The following C12orf54 variants were observed in gnomAD, a reference collection of about 807,000 sequenced individuals.
C12orf54 encodes chromosome 12 open reading frame 54, also known as uncharacterized protein C12orf54.
In C12orf54, 24 loss-of-function variants were observed where a neutral mutation model predicts 26.4. That is an observed-to-expected ratio of 0.91 (90% CI 0.66 to 1.28). C12orf54 has a LOEUF of 1.28. Among genes scored for constraint, C12orf54 ranks in the 50% most tolerant of loss-of-function variants. The probability of loss-of-function intolerance (pLI) is 0.00; values close to 1 mark genes in which losing one functional copy is unlikely to be tolerated. For missense variants in C12orf54, 154 were observed against 150.9 expected (o/e 1.02, Z -0.11); for synonymous variants, 54 against 47.0 (o/e 1.15, Z -0.61).
intron 8 of C12orf54, chr12:48,495,581 A>C (rs1252049188): frequency 6.6e-6 from 1 of 152,618 alleles, no homozygotes; most frequent in Non-Finnish European, 1.5e-5. Context: ...CACCTGGAGA[A>C]GAAGACTGTC....
the C12orf54 span, among the ~76,000 whole-genome samples, chr12:48,437,375 G>T: frequency 6.6e-6 from 1 of 152,184 alleles, no homozygotes; most frequent in African/African-American, 2.4e-5. Context: ...AGTAGAAAAA[G>T]AGGGAATCCT....
At chr12:48,444,763 T>C in the C12orf54 span, among the ~76,000 whole-genome samples, 1 of 152,192 alleles carries the variant, frequency 6.6e-6, no homozygotes, top group Non-Finnish European at 1.5e-5. Flanking sequence ...TGGAGTCAGC[T>C]GACTAGATCT....
chr12:48,481,421 GGA>G (rs1954197526), upstream of C12orf54, among the ~76,000 whole-genome samples: 1 of 152,058 alleles, frequency 6.6e-6, no homozygotes, highest in African/African-American at 2.4e-5. Flanking sequence ...TTAGAGGGTG[GGA>G]GAGAGTAACC....
At chr12:48,463,101 C>T in the C12orf54 span, among the ~76,000 whole-genome samples, 6 of 151,478 alleles carry the variant, frequency 4.0e-5, no homozygotes, top group Admixed American at 6.6e-5. Flanking sequence ...TAGGAACAAC[C>T]GAAACTTAAA....
chr12:48,413,169 TG>T, the C12orf54 span, among the ~76,000 whole-genome samples: 19 of 152,370 alleles, frequency 1.2e-4, no homozygotes, highest in African/African-American at 4.3e-4. Context: ...TCTACTTTTT[TG>T]CTTCAAATTC....
chr12:48,455,931 A>G, the C12orf54 span, among the ~76,000 whole-genome samples: 1 of 152,220 alleles, frequency 6.6e-6, no homozygotes, highest in African/African-American at 2.4e-5. Context: ...ATGGTTAAAT[A>G]GTGATAATAA....
chr12:48,459,574 G>A, the C12orf54 span, among the ~76,000 whole-genome samples: 348 of 152,188 alleles, frequency 2.3e-3, 3 homozygotes, highest in African/African-American at 7.4e-3. Flanking sequence ...AGAACTTTCC[G>A]ATTTTCGGTC....
the C12orf54 span, among the ~76,000 whole-genome samples, chr12:48,417,531 C>T: frequency 6.6e-6 from 1 of 152,190 alleles, no homozygotes; most frequent in Admixed American, 6.5e-5. Flanking sequence ...TCTATACCCT[C>T]AACCTTAGTC....
upstream of C12orf54, among the ~76,000 whole-genome samples, chr12:48,479,475 C>A (rs1312344373): frequency 6.6e-6 from 1 of 151,914 alleles, no homozygotes; most frequent in Non-Finnish European, 1.5e-5. Context: ...AACAAACCTG[C>A]ACGTTGTGCA....
At chr12:48,420,380 C>T in the C12orf54 span, among the ~76,000 whole-genome samples, 9 of 152,324 alleles carry the variant, frequency 5.9e-5, no homozygotes, top group Admixed American at 2.6e-4. Flanking sequence ...CAGGTTTCTT[C>T]CTGAATATAA....
At chr12:48,483,203 A>G in intron 1 of C12orf54, 37 bp from the exon 2 acceptor site, 1 of 1,084,728 alleles carries the variant, frequency 9.2e-7, no homozygotes, top group South Asian at 1.4e-5. Context: ...CTCACCATGT[A>G]CCTGCCTTCT....
the C12orf54 span, among the ~76,000 whole-genome samples, chr12:48,446,522 G>T: frequency 0.13 from 19,265 of 152,134 alleles, 1,611 homozygotes; most frequent in Non-Finnish European, 0.2. Flanking sequence ...TGGCCAAAGG[G>T]ATGGCAAAGT....
chr12:48,417,730 C>T, the C12orf54 span, among the ~76,000 whole-genome samples: 275 of 152,122 alleles, frequency 1.8e-3, no homozygotes, highest in African/African-American at 6.1e-3. Flanking sequence ...CCCTTGTCCC[C>T]CTCCCTCCCT....
chr12:48,430,764 A>G, the C12orf54 span, among the ~76,000 whole-genome samples: 1 of 152,230 alleles, frequency 6.6e-6, no homozygotes, highest in Non-Finnish European at 1.5e-5. Context: ...CTAAAAGTGG[A>G]ACTACCATTT....
chr12:48,419,670 G>A, the C12orf54 span, among the ~76,000 whole-genome samples: 1 of 152,282 alleles, frequency 6.6e-6, no homozygotes, highest in Admixed American at 6.5e-5. Context: ...CAGCAAGGGA[G>A]ACATGGAGGA....
the C12orf54 span, among the ~76,000 whole-genome samples, chr12:48,436,281 C>G: frequency 5.9e-5 from 9 of 152,094 alleles, no homozygotes; most frequent in Non-Finnish European, 1.2e-4. Context: ...GACCTACAAA[C>G]AGACTTAGAC....
the C12orf54 span, among the ~76,000 whole-genome samples, chr12:48,469,040 G>T: frequency 6.6e-6 from 1 of 152,230 alleles, no homozygotes; most frequent in African/African-American, 2.4e-5. Flanking sequence ...AATATCACAA[G>T]GCAAATGGGG....
the C12orf54 span, among the ~76,000 whole-genome samples, chr12:48,474,386 C>G: frequency 2.0e-5 from 3 of 152,178 alleles, no homozygotes; most frequent in East Asian, 1.9e-4. Flanking sequence ...GAGTGCCAGA[C>G]AGTAGGTGCA....
chr12:48,450,335 G>C, the C12orf54 span, among the ~76,000 whole-genome samples: 56 of 152,302 alleles, frequency 3.7e-4, 2 homozygotes, highest in East Asian at 0.01. Flanking sequence ...AGCTAAAGCA[G>C]TGTTAAGAGG....
Sources: allele counts gnomAD v4.1 joint callset (sites outside exome capture counted in the v4.1 genomes callset), GRCh38; gene constraint gnomAD v4.1.1; transcripts MANE v1.5; gene names NCBI Gene and HGNC (gene_info 2026-07-23, HGNC 2026-07-21).